ZBTB20: variants seen among roughly 807,000 people sequenced by gnomAD.
ZBTB20 encodes the protein zinc finger and BTB domain-containing protein 20.
A neutral mutation model predicts 56.9 loss-of-function variants in ZBTB20; 9 were observed. The ratio of observed to expected loss-of-function variants is 0.16; its 90% CI spans 0.10 to 0.28. The LOEUF (loss-of-function observed/expected upper bound fraction) is 0.28. Ranked by LOEUF, ZBTB20 falls within the 10% of genes least tolerant of loss-of-function variation. ZBTB20 has a pLI of 1.00. For missense variants in ZBTB20, 655 were observed against 1,003.0 expected (o/e 0.65, Z 4.69); for synonymous variants, 417 against 420.7 (o/e 0.99, Z 0.11).
chr3:115,013,549 T>C (rs2079811694), intron 2 of ZBTB20, among the ~76,000 whole-genome samples: 1 of 151,650 alleles, frequency 6.6e-6, no homozygotes, highest in African/African-American at 2.4e-5. Context: ...GGAAGTCTCT[T>C]AGCAAATAAA....
chr3:115,089,456 T>C (rs1366099640), intron 1 of ZBTB20, among the ~76,000 whole-genome samples: 2 of 151,816 alleles, frequency 1.3e-5, no homozygotes, highest in African/African-American at 4.8e-5. Context: ...TACATCCAGC[T>C]AAAAACCATT....
chr3:114,394,610 T>A (rs1459272241), intron 7 of ZBTB20, among the ~76,000 whole-genome samples: 7 of 152,216 alleles, frequency 4.6e-5, no homozygotes, highest in Admixed American at 3.9e-4. Flanking sequence ...GGGCTTCTGA[T>A]TCAGCATGTC....
intron 5 of ZBTB20, among the ~76,000 whole-genome samples, chr3:114,764,226 C>G (rs1266570023): frequency 7.0e-6 from 1 of 143,870 alleles, no homozygotes; most frequent in Non-Finnish European, 1.5e-5. Context: ...CCTCTCACAA[C>G]CCCCTTCTAC....
At chr3:114,550,754 G>C (rs1046648626) in intron 6 of ZBTB20, among the ~76,000 whole-genome samples, 6 of 151,928 alleles carry the variant, frequency 3.9e-5, no homozygotes, top group African/African-American at 1.2e-4. Flanking sequence ...CCAAGATATA[G>C]TTTGTTTGTT....
chr3:115,030,277 T>C (rs2080613537), intron 2 of ZBTB20, among the ~76,000 whole-genome samples: 1 of 151,124 alleles, frequency 6.6e-6, no homozygotes, highest in South Asian at 2.1e-4. Context: ...TCAAGCATCA[T>C]TTCTGACATC....
At chr3:114,678,732 T>C (rs1358928126) in intron 6 of ZBTB20, among the ~76,000 whole-genome samples, 1 of 152,168 alleles carries the variant, frequency 6.6e-6, no homozygotes, top group Non-Finnish European at 1.5e-5. Flanking sequence ...GTATATTGTA[T>C]TTATCCAGAA....
chr3:114,955,504 G>A (rs1165381217), intron 3 of ZBTB20, among the ~76,000 whole-genome samples: 3 of 152,154 alleles, frequency 2.0e-5, no homozygotes, highest in Non-Finnish European at 2.9e-5. Flanking sequence ...ACTCTCTAAA[G>A]ACTGACAAAA....
chr3:115,110,636 G>A (rs2083851456), intron 1 of ZBTB20, among the ~76,000 whole-genome samples: 1 of 152,128 alleles, frequency 6.6e-6, no homozygotes, highest in Non-Finnish European at 1.5e-5. Context: ...TTTCAAAATT[G>A]TCATTTACTT....
chr3:115,060,110 T>C (rs2081963385), intron 2 of ZBTB20, among the ~76,000 whole-genome samples: 1 of 152,186 alleles, frequency 6.6e-6, no homozygotes, highest in African/African-American at 2.4e-5. Flanking sequence ...CATGCTTAAC[T>C]TTGTATCATT....
rs1188901972 is a variant in ZBTB20 at position 115,120,822 on chromosome 3, A to G, written c.-703+26397T>C. Among the ~76,000 whole-genome samples the G allele has an allele frequency of 2.0e-5, 3 of 152,096 alleles. No homozygotes were observed. The East Asian group carries it at 5.8e-4, about 29-fold the overall frequency. ...GAACATGTTTGACTCAAGGCAGTAA[A>G]TTAAGTACACTGAAGAAAAAGATAA... On this transcript the variant is annotated intron_variant, in intron 1 of 11. Coordinates refer to ENST00000675478, the MANE Select transcript of ZBTB20 (RefSeq NM_001348800.3).
chr3:114,788,699 T>C (rs1187399500), intron 5 of ZBTB20, among the ~76,000 whole-genome samples: 2 of 152,316 alleles, frequency 1.3e-5, no homozygotes, highest in East Asian at 3.9e-4. Context: ...ACATTTCATT[T>C]ACAATAGTTA....
chr3:115,125,345 A>AT (rs2084299038), intron 1 of ZBTB20, among the ~76,000 whole-genome samples: 2 of 137,606 alleles, frequency 1.5e-5, no homozygotes, highest in Admixed American at 1.4e-4. Flanking sequence ...CCTGCCTCAA[A>AT]TAAAAAAAAA....
At position 114,848,263 on chromosome 3, in the gene ZBTB20, C is replaced by A. The variant is rs748082887; in HGVS notation, c.-416-47089G>T. The stretch of plus-strand genomic sequence containing the variant: ...ACTGTTCTGAGTGTCTGAACACATG[C>A]GGGCAGGTAAACCCAGAAAATGGGC... On this transcript the variant is annotated intron_variant, in intron 4 of 11. Coordinates refer to ENST00000675478, the MANE Select transcript of ZBTB20 (RefSeq NM_001348800.3). 3.3e-5 allele frequency among the ~76,000 whole-genome samples: 5 copies of A among 152,110 alleles called. 1 individual carries two copies. The Middle Eastern group carries it at 0.014, about 417-fold the overall frequency.
chr3:114,934,984 A>G (rs2076484671), intron 3 of ZBTB20, among the ~76,000 whole-genome samples: 1 of 152,222 alleles, frequency 6.6e-6, no homozygotes, highest in Middle Eastern at 3.2e-3. Flanking sequence ...TTTTATGGTC[A>G]GATTTGATAG....
At chr3:114,499,255 A>G (rs2043657621) in intron 7 of ZBTB20, among the ~76,000 whole-genome samples, 1 of 152,172 alleles carries the variant, frequency 6.6e-6, no homozygotes, top group African/African-American at 2.4e-5. Flanking sequence ...GGGGAGTTTA[A>G]TCAATCTCCT....
At chr3:114,420,294 C>T (rs965379554) in intron 7 of ZBTB20, among the ~76,000 whole-genome samples, 3 of 152,102 alleles carry the variant, frequency 2.0e-5, no homozygotes, top group South Asian at 2.1e-4. Context: ...CTTAGCACCA[C>T]GGACAGAGCT....
chr3:114,916,774 T>C (rs115933631), intron 3 of ZBTB20, among the ~76,000 whole-genome samples: 3,566 of 152,278 alleles, frequency 0.023, 143 homozygotes, highest in African/African-American at 0.082. Context: ...TGCTCTGTTG[T>C]ATGTTATTTG....
intron 1 of ZBTB20, among the ~76,000 whole-genome samples, chr3:115,091,673 A>ATT (rs2083196849): frequency 6.7e-6 from 1 of 150,346 alleles, no homozygotes; most frequent in Non-Finnish European, 1.5e-5. Flanking sequence ...AGAAATGTGT[A>ATT]TTTTATATAT....
At chr3:115,006,500 AG>A (rs2079479716) in intron 2 of ZBTB20, among the ~76,000 whole-genome samples, 1 of 151,058 alleles carries the variant, frequency 6.6e-6, no homozygotes, top group Non-Finnish European at 1.5e-5. Context: ...TCCTTAGTAA[AG>A]CTTGAAATAT....
Sources: gnomAD v4.1 joint callset for allele counts (sites outside exome capture counted in the v4.1 genomes callset) on GRCh38, gnomAD v4.1.1 for gene constraint, MANE v1.5 for transcripts, NCBI Gene and HGNC (gene_info 2026-07-23, HGNC 2026-07-21) for gene names.